The following LRRK2 variants were observed in gnomAD, a reference collection of about 807,000 sequenced individuals.
The protein encoded by LRRK2 is leucine rich repeat kinase 2.
LRRK2 carries 203 observed loss-of-function variants against 302.6 expected under a neutral mutation model. The observed-to-expected ratio is 0.67, with a 90% CI of 0.60 to 0.75. The LOEUF (loss-of-function observed/expected upper bound fraction) is 0.75. Ranked by LOEUF, LRRK2 falls within the 30% of genes least tolerant of loss-of-function variation. The pLI is 0.00. For missense variants in LRRK2, 2,830 were observed against 2,951.0 expected (o/e 0.96, Z 0.95); for synonymous variants, 1,066 against 1,031.9 (o/e 1.03, Z -0.63).
Position 40,313,687 on chromosome 12 carries a change from G to GT in LRRK2, c.4537-276dup, listed in dbSNP as rs57421387. Among the ~76,000 whole-genome samples the GT allele has an allele frequency of 0.27, 40,684 of 150,058 alleles. 5,761 individuals are homozygous for GT. Among genetic ancestry groups the GT allele is most frequent in the South Asian group, 0.37 (1,776 of 4,770 alleles). ...TTTTTTATGGTTAGTGATTTATCTT[G>GT]TTTTTTTTTCCATGGAATTTCTGGA... On this transcript the variant is annotated intron_variant, in intron 31 of 50. Coordinates refer to ENST00000298910, the MANE Select transcript of LRRK2 (RefSeq NM_198578.4).
intron 24 of LRRK2, among the ~76,000 whole-genome samples, chr12:40,298,787 A>ATG (rs1374293200): frequency 1.2e-4 from 13 of 111,174 alleles, no homozygotes; most frequent in African/African-American, 4.5e-4. Flanking sequence ...AAATATATAT[A>ATG]TATATATATA....
intron 25 of LRRK2, among the ~76,000 whole-genome samples, chr12:40,299,699 T>C (rs1944549534): frequency 6.6e-6 from 1 of 152,108 alleles, no homozygotes; most frequent in Admixed American, 6.6e-5. Flanking sequence ...GAATGTGCAG[T>C]ATAAAGAATG....
At chr12:40,317,939 G>A (rs1277519794) in intron 33 of LRRK2, among the ~76,000 whole-genome samples, 1 of 152,076 alleles carries the variant, frequency 6.6e-6, no homozygotes. Context: ...ATTGGCAAGG[G>A]TTATTCACTT....
At chr12:40,234,679 C>A (rs969228271) in intron 3 of LRRK2, among the ~76,000 whole-genome samples, 6 of 151,980 alleles carry the variant, frequency 3.9e-5, no homozygotes, top group African/African-American at 1.4e-4. Context: ...CACCGGCCCA[C>A]TACTTTTTAA....
rs1011920921 is a variant in LRRK2 at position 40,265,457 on chromosome 12, A to G, written c.1656+1556A>G. Among the ~76,000 whole-genome samples, 6 of 152,210 alleles carry G rather than the reference A, an allele frequency of 3.9e-5. No homozygotes were observed. In the East Asian group the frequency reaches 1.2e-3, roughly 29 times the overall value. ...CCCTGACAGAATTCAGGGTGGGCTT[A>G]CTAGTAAGGATGAGACAGCGTAAAT... is the stretch of plus-strand genomic sequence containing the variant. On this transcript the variant is annotated intron_variant, in intron 14 of 50. Coordinates refer to ENST00000298910, the MANE Select transcript of LRRK2 (RefSeq NM_198578.4).
Position 40,274,821 on chromosome 12 carries a change from A to T in LRRK2, c.1802-33A>T, listed in dbSNP as rs376756880. On this transcript the variant is annotated intron_variant, in intron 15 of 50. Transcript: ENST00000298910. ...TTAAATATTTTTCTTCAGTTTTGAGATTTAAAACAATTCTTTTTTTTTATT... is the reference window on the plus strand; with the variant it reads ...TTAAATATTTTTCTTCAGTTTTGAGTTTTAAAACAATTCTTTTTTTTTATT... 43 of 1,609,002 alleles carry T rather than the reference A, an allele frequency of 2.7e-5. No individual in the cohort carries two copies. In the Middle Eastern group the frequency reaches 5.0e-4, roughly 19 times the overall value.
In LRRK2 at chr12:40,309,088, T is replaced by A; in HGVS notation, c.4190-18T>A. On this transcript the variant is annotated intron_variant, in intron 29 of 50. Coordinates refer to ENST00000298910, the MANE Select transcript of LRRK2 (RefSeq NM_198578.4). ...TCGTTTGAAAGATTAAAAAAATTTG[T>A]CTCTAATCTTTATTTAGGTCGTGAG... is the stretch of plus-strand genomic sequence containing the variant. 6.2e-7 allele frequency: 1 copy of A among 1,612,688 alleles called. No individual in the cohort carries two copies. Among genetic ancestry groups the A allele is most frequent in the Non-Finnish European group, 8.5e-7 (1 of 1,179,414 alleles).
At chr12:40,305,320 A>G (rs1219421656) in intron 27 of LRRK2, among the ~76,000 whole-genome samples, 1 of 152,104 alleles carries the variant, frequency 6.6e-6, no homozygotes, top group Non-Finnish European at 1.5e-5. Context: ...GGAACAGAAA[A>G]GAAATTACTC....
intron 14 of LRRK2, among the ~76,000 whole-genome samples, chr12:40,266,739 C>G (rs1183108559): frequency 6.6e-6 from 1 of 152,024 alleles, no homozygotes; most frequent in African/African-American, 2.4e-5. Context: ...ATAGCAAAGA[C>G]TTGGAACCAA....
intron 14 of LRRK2, among the ~76,000 whole-genome samples, chr12:40,269,086 G>T (rs1043279980): frequency 2.0e-5 from 3 of 152,126 alleles, no homozygotes; most frequent in Admixed American, 6.6e-5. Context: ...GGAACACCTT[G>T]TTGGAGGGAA....
intron 20 of LRRK2, among the ~76,000 whole-genome samples, chr12:40,289,496 C>G (rs776946465): frequency 3.4e-4 from 50 of 149,206 alleles, no homozygotes; most frequent in Non-Finnish European, 5.9e-4. Context: ...TAAATTAAAT[C>G]ATATTACCTA....
chr12:40,287,649 A>T lies in LRRK2; in HGVS notation c.2689+110A>T. 1.7e-5 allele frequency: 18 copies of T among 1,088,302 alleles called. 1 individual carries two copies. The highest frequency in any genetic ancestry group is 2.3e-5 in the Non-Finnish European group (17 of 743,076). The allele number at this position is 1,088,302 out of a possible 1,614,324, so 67.4% of individuals were successfully genotyped here. On this transcript the variant is annotated intron_variant, in intron 20 of 50. Transcript: ENST00000298910. Reference sequence around the variant, plus strand: ...AAATCATCTGGAAAAACTTGAGTAGAAATGTGTTTATTATCGCAAACAGTT... The same window carrying T: ...AAATCATCTGGAAAAACTTGAGTAGTAATGTGTTTATTATCGCAAACAGTT...
intron 6 of LRRK2, among the ~76,000 whole-genome samples, chr12:40,241,923 T>A (rs1941738925): frequency 6.6e-6 from 1 of 152,206 alleles, no homozygotes; most frequent in Non-Finnish European, 1.5e-5. Flanking sequence ...GCCATGGTTT[T>A]ACATTTCTCT....
chr12:40,287,152 G>A lies in LRRK2; in HGVS notation c.2501-199G>A, dbSNP rs541450648. Among the ~76,000 whole-genome samples the A allele has an allele frequency of 2.2e-4, 33 of 151,990 alleles. No individual in the cohort carries two copies. In the South Asian group the frequency reaches 5.2e-3, roughly 24 times the overall value. ...TTTGCTGTCTACATGAAAGCATTGT[G>A]TACATGGTTATGTTTTTTTAAAAAA... is the stretch of plus-strand genomic sequence containing the variant. On this transcript the variant is annotated intron_variant, in intron 19 of 50. Transcript: ENST00000298910.
chr12:40,359,565 C>A, intron 47 of LRRK2, 121 bp downstream of exon 47: 1 of 895,566 alleles, frequency 1.1e-6, no homozygotes, highest in Non-Finnish European at 1.6e-6. Context: ...AATTTATTTT[C>A]TATCATAAAA....
In LRRK2 at chr12:40,247,316, A is replaced by T. The variant is rs573062599; in HGVS notation, c.839-2510A>T. On this transcript the variant is annotated intron_variant, in intron 7 of 50. Coordinates refer to ENST00000298910, the MANE Select transcript of LRRK2 (RefSeq NM_198578.4). The stretch of plus-strand genomic sequence containing the variant: ...TTATTTCTTTCCTTGACAAGCATTT[A>T]TTGAATGTTGTTATATGACTAAAAC... 2.0e-5 allele frequency among the ~76,000 whole-genome samples: 3 copies of T among 151,808 alleles called. No individual in the cohort carries two copies. The East Asian group carries it at 5.8e-4, about 29-fold the overall frequency.
At chr12:40,294,757 C>A in intron 21 of LRRK2, 88 bp from the exon 22 acceptor site, 2 of 730,206 alleles carry the variant, frequency 2.7e-6, no homozygotes, top group East Asian at 2.9e-5. Context: ...ACCATTAACC[C>A]TATTAAAATT....
intron 7 of LRRK2, among the ~76,000 whole-genome samples, chr12:40,245,009 A>C (rs1317722123): frequency 6.6e-6 from 1 of 151,356 alleles, no homozygotes; most frequent in East Asian, 1.9e-4. Context: ...TGAAAAAAAA[A>C]AAAAAAAGAA....
chr12:40,319,856 G>A (rs1490684287), intron 33 of LRRK2, 132 bp from the exon 34 acceptor site: 5 of 748,690 alleles, frequency 6.7e-6, no homozygotes, highest in Non-Finnish European at 1.1e-5. Context: ...GAGAAATTAG[G>A]TACTGTGTTG....
Sources: allele counts gnomAD v4.1 joint callset (sites outside exome capture counted in the v4.1 genomes callset), GRCh38; gene constraint gnomAD v4.1.1; transcripts MANE v1.5; gene names NCBI Gene and HGNC (gene_info 2026-07-23, HGNC 2026-07-21).